TSPAN15: variants seen among roughly 807,000 people sequenced by gnomAD.
The protein encoded by TSPAN15 is tetraspanin 15.
A neutral mutation model predicts 34.5 loss-of-function variants in TSPAN15; 20 were observed. The ratio of observed to expected loss-of-function variants is 0.58; its 90% CI spans 0.41 to 0.84. TSPAN15 has a LOEUF of 0.84. Ranked by LOEUF, TSPAN15 falls within the 40% of genes least tolerant of loss-of-function variation. The pLI is 0.00. For synonymous variants in TSPAN15, 155 were observed against 153.9 expected (o/e 1.01, Z -0.05); for missense variants, 313 against 386.1 (o/e 0.81, Z 1.59).
At chr10:69,461,208 C>T (rs748298191) in intron 1 of TSPAN15, among the ~76,000 whole-genome samples, 7 of 152,182 alleles carry the variant, frequency 4.6e-5, no homozygotes, top group Non-Finnish European at 1.0e-4. Context: ...GAGACTAAGG[C>T]CCTGAGCGGG....
chr10:69,455,547 T>TCTCTCCTC (rs1554830512), intron 1 of TSPAN15, among the ~76,000 whole-genome samples: 1 of 130,360 alleles, frequency 7.7e-6, no homozygotes, highest in African/African-American at 2.8e-5. Flanking sequence ...TCTTTCTTTC[T>TCTCTCCTC]TCTCTCTCTC....
At chr10:69,471,430 G>A (rs754412537) in intron 1 of TSPAN15, among the ~76,000 whole-genome samples, 2 of 152,138 alleles carry the variant, frequency 1.3e-5, no homozygotes, top group Non-Finnish European at 1.5e-5. Flanking sequence ...GCAGCCAGAC[G>A]TTAACATTTA....
intron 1 of TSPAN15, among the ~76,000 whole-genome samples, chr10:69,452,354 G>A (rs1367325004): frequency 6.6e-6 from 1 of 152,116 alleles, no homozygotes; most frequent in African/African-American, 2.4e-5. Context: ...CGCTCCGAGT[G>A]GTCTTTTATT....
At position 69,451,673 on chromosome 10, in the gene TSPAN15, T is replaced by C; in HGVS notation, c.79T>C (p.Tyr27His). The C allele has an allele frequency of 6.5e-7, 1 of 1,536,576 alleles. No homozygotes were observed. The highest frequency in any genetic ancestry group is 1.2e-5 in the South Asian group (1 of 81,080). Residue 27 changes from tyrosine to histidine, a missense_variant, in exon 1 of 8, where the codon TAT (tyrosine) becomes CAT (histidine). By Grantham distance (83) the Tyr-to-His change is moderately conservative. Transcript: ENST00000373290. Reference protein sequence around the residue: ...YLWLKFSLIIYSTVFWLIGAL... With the variant: ...YLWLKFSLIIHSTVFWLIGAL... ...CTGGCTCAAGTTTTCACTTATCATC[T>C]ATTCCACCGTGTTCTGGGTGAGTGA...
chr10:69,473,618 A>C (rs979904235), intron 1 of TSPAN15, among the ~76,000 whole-genome samples: 11 of 152,170 alleles, frequency 7.2e-5, no homozygotes, highest in Admixed American at 6.5e-4. Context: ...TGGGGTTGTC[A>C]TGCCAACTGG....
At chr10:69,518,321 G>A in the TSPAN15 span, among the ~76,000 whole-genome samples, 8 of 152,224 alleles carry the variant, frequency 5.3e-5, no homozygotes, top group African/African-American at 1.9e-4. Flanking sequence ...GGTCACGGGT[G>A]TCTCACCCGA....
chr10:69,541,509 C>A, the TSPAN15 span, among the ~76,000 whole-genome samples: 2 of 152,190 alleles, frequency 1.3e-5, no homozygotes, highest in Non-Finnish European at 2.9e-5. Context: ...GGATGATGAC[C>A]CTCTTCTCAC....
the TSPAN15 span, among the ~76,000 whole-genome samples, chr10:69,535,440 A>G: frequency 8.5e-5 from 13 of 152,314 alleles, no homozygotes; most frequent in South Asian, 4.1e-4. Context: ...AAAACCCACA[A>G]ACCAATTTGT....
intron 3 of TSPAN15, among the ~76,000 whole-genome samples, chr10:69,487,471 C>A (rs1216575802): frequency 3.3e-5 from 5 of 151,938 alleles, no homozygotes; most frequent in Non-Finnish European, 5.9e-5. Context: ...GGGGAGAGAT[C>A]TTTATTCCAT....
At chr10:69,530,827 T>C in the TSPAN15 span, among the ~76,000 whole-genome samples, 1 of 43,550 alleles carries the variant, frequency 2.3e-5, no homozygotes, top group African/African-American at 9.9e-5. Context: ...TCTCTATATA[T>C]ATATATATAT....
Position 69,506,304 on chromosome 10 carries a change from A to C in TSPAN15, c.735+64A>C. On this transcript the variant is annotated intron_variant, in intron 7 of 7. Transcript: ENST00000373290. This position sits in a 1 kb window ranked among gnomAD's most constrained non-coding sequence, Gnocchi z 4.7. ...GATTGCAGAAGGGCAGAGAAGGTGC[A>C]GAGGGGAAGAGCGAAGAGGCTTTTT... is the stretch of plus-strand genomic sequence containing the variant. The C allele has an allele frequency of 1.3e-6, 2 of 1,492,572 alleles. No homozygotes were observed. Among genetic ancestry groups the C allele is most frequent in the Non-Finnish European group, 9.3e-7 (1 of 1,072,554 alleles). 92.5% of individuals were successfully genotyped at this position (1,492,572 alleles called of 1,614,324 possible).
the TSPAN15 span, among the ~76,000 whole-genome samples, chr10:69,534,740 T>C: frequency 6.6e-6 from 1 of 150,552 alleles, no homozygotes; most frequent in African/African-American, 2.5e-5. Context: ...CCCTGCACCT[T>C]GGGAGGCTGA....
chr10:69,493,394 G>A (rs1326484842), intron 3 of TSPAN15, among the ~76,000 whole-genome samples: 1 of 151,896 alleles, frequency 6.6e-6, no homozygotes, highest in Non-Finnish European at 1.5e-5. Context: ...TCCCAGGCCT[G>A]CTCCAGAGCT....
chr10:69,473,637 G>C (rs1276816476), intron 1 of TSPAN15, among the ~76,000 whole-genome samples: 1 of 152,170 alleles, frequency 6.6e-6, no homozygotes, highest in East Asian at 1.9e-4. Context: ...GGGAAACTGA[G>C]GCTCAGAAAA....
intron 1 of TSPAN15, among the ~76,000 whole-genome samples, chr10:69,458,351 C>T (rs947693171): frequency 3.3e-5 from 5 of 152,178 alleles, no homozygotes; most frequent in South Asian, 2.1e-4. Flanking sequence ...GAAAGTACAA[C>T]GAAAACAGCA....
intron 3 of TSPAN15, chr10:69,494,840 G>A (rs1842043672): frequency 1.3e-5 from 13 of 985,440 alleles, no homozygotes; most frequent in South Asian, 4.7e-5. Context: ...GGCTGCCCAC[G>A]CTCCTGCCCC....
intron 3 of TSPAN15, among the ~76,000 whole-genome samples, chr10:69,486,350 C>T (rs548153500): frequency 6.6e-6 from 1 of 152,354 alleles, no homozygotes; most frequent in Admixed American, 6.5e-5. Context: ...CCCCTCCCTA[C>T]CCCAGACAGC....
At chr10:69,487,693 T>C (rs1330331783) in intron 3 of TSPAN15, among the ~76,000 whole-genome samples, 1 of 152,278 alleles carries the variant, frequency 6.6e-6, no homozygotes, top group East Asian at 1.9e-4. Context: ...TCCAGTGCCC[T>C]GTAGGTCAAC....
At chr10:69,485,707 A>G (rs1425067426) in intron 3 of TSPAN15, among the ~76,000 whole-genome samples, 2 of 152,088 alleles carry the variant, frequency 1.3e-5, no homozygotes, top group African/African-American at 4.8e-5. Context: ...ATATTGTACC[A>G]TGGCTGCTGA....
Sources: allele counts gnomAD v4.1 joint callset (sites outside exome capture counted in the v4.1 genomes callset), GRCh38; gene constraint gnomAD v4.1.1; non-coding constraint Gnocchi (gnomAD v3.1); transcripts MANE v1.5; gene names NCBI Gene and HGNC (gene_info 2026-07-23, HGNC 2026-07-21).